RASSF8: variants seen among roughly 807,000 people sequenced by gnomAD.
RASSF8 encodes the protein ras association domain-containing protein 8.
RASSF8 carries 22 observed loss-of-function variants against 48.5 expected under a neutral mutation model. The ratio of observed to expected loss-of-function variants is 0.45; its 90% CI spans 0.32 to 0.65. The LOEUF (loss-of-function observed/expected upper bound fraction) is 0.65, where lower values mean the gene tolerates loss of function less well. Ranked by LOEUF, RASSF8 falls within the 30% of genes least tolerant of loss-of-function variation. The pLI is 0.03. For synonymous variants in RASSF8, 127 were observed against 171.5 expected (o/e 0.74, Z 2.03); for missense variants, 418 against 489.2 (o/e 0.85, Z 1.37).
In RASSF8 at chr12:26,065,137, G is replaced by C. The variant is rs374924049; in HGVS notation, c.743G>C (p.Arg248Thr). The change falls in exon 4 of 6, where the codon AGA (arginine) becomes ACA (threonine). Residue 248 changes from arginine (R) to threonine (T), a missense_variant. Physicochemically the swap from Arg to Thr is moderately conservative, Grantham distance 71 (BLOSUM62 -1). Transcript: ENST00000689635. ...KQLKDQLQEIRQKITECENKL... is the reference protein window; with the variant it reads ...KQLKDQLQEITQKITECENKL... ...CTGAAGGATCAACTTCAAGAAATAAGACAGAAAATAACAGAATGTGAAAAC... is the reference window on the plus strand; with the variant it reads ...CTGAAGGATCAACTTCAAGAAATAACACAGAAAATAACAGAATGTGAAAAC... 2 of 1,613,944 alleles carry C rather than the reference G, an allele frequency of 1.2e-6. No individual in the cohort carries two copies. Among genetic ancestry groups the C allele is most frequent in the South Asian group, 2.2e-5 (2 of 91,016 alleles).
chr12:26,029,195 C>T lies in RASSF8; in HGVS notation c.-108-26041C>T, dbSNP rs114733100. 3.3e-3 allele frequency among the ~76,000 whole-genome samples: 503 copies of T among 152,308 alleles called. 5 individuals carry two copies. The highest frequency in any genetic ancestry group is 0.011 in the African/African-American group (478 of 41,576). ...ATGTCTATCATGTAGATCACTTTAG[C>T]CTCTCAGGCTGTTTGCAGCTCTCCT... is the stretch of plus-strand genomic sequence containing the variant. On this transcript the variant is annotated intron_variant, in intron 2 of 5. Coordinates refer to ENST00000689635, the MANE Select transcript of RASSF8 (RefSeq NM_001394098.1).
chr12:25,988,688 C>T (rs1039002408), intron 1 of RASSF8, among the ~76,000 whole-genome samples: 1 of 152,146 alleles, frequency 6.6e-6, no homozygotes, highest in Non-Finnish European at 1.5e-5. Context: ...ATGTGAAATT[C>T]CTGCTTTATC....
chr12:25,967,977 CCT>C (rs1283482264), intron 1 of RASSF8, among the ~76,000 whole-genome samples: 1 of 152,232 alleles, frequency 6.6e-6, no homozygotes, highest in Non-Finnish European at 1.5e-5. Flanking sequence ...AGTAATCCAT[CCT>C]CTCTCCCGAA....
intron 1 of RASSF8, among the ~76,000 whole-genome samples, chr12:25,990,803 A>G (rs949377834): frequency 6.6e-6 from 1 of 152,238 alleles, no homozygotes; most frequent in African/African-American, 2.4e-5. Flanking sequence ...GTGGATACAC[A>G]GGGATATCAC....
In RASSF8 at chr12:26,068,823, A is replaced by T; in HGVS notation, c.*5A>T. On this transcript the variant is annotated 3_prime_UTR_variant, in exon 6 of 6. Coordinates refer to ENST00000689635, the MANE Select transcript of RASSF8 (RefSeq NM_001394098.1). ...CCTGAAGGCATATATGTATGACATTATCTGTCTTTAGGGAGGAGACCCAAC... is the reference window on the plus strand; with the variant it reads ...CCTGAAGGCATATATGTATGACATTTTCTGTCTTTAGGGAGGAGACCCAAC... The T allele has an allele frequency of 6.5e-7, 1 of 1,536,762 alleles. No homozygotes were observed. The highest frequency in any genetic ancestry group is 1.2e-5 in the South Asian group (1 of 84,014).
chr12:25,969,620 G>T (rs1495649), intron 1 of RASSF8, among the ~76,000 whole-genome samples: 17,228 of 152,048 alleles, frequency 0.11, 1,305 homozygotes, highest in Admixed American at 0.19. Context: ...GAGGAGAAGG[G>T]TCACATCCTG....
At chr12:25,962,746 C>T (rs915940565) in intron 1 of RASSF8, among the ~76,000 whole-genome samples, 1 of 152,066 alleles carries the variant, frequency 6.6e-6, no homozygotes, top group African/African-American at 2.4e-5. Flanking sequence ...TCTTGATTGC[C>T]TTCTTTATCA....
chr12:25,971,341 T>G (rs1288063407), intron 1 of RASSF8, among the ~76,000 whole-genome samples: 2 of 152,168 alleles, frequency 1.3e-5, no homozygotes, highest in African/African-American at 4.8e-5. Context: ...ACTCCTTACC[T>G]CTTGAATTGT....
intron 3 of RASSF8, among the ~76,000 whole-genome samples, chr12:26,058,506 TG>T (rs1192378120): frequency 6.7e-6 from 1 of 149,558 alleles, no homozygotes; most frequent in African/African-American, 2.5e-5. Context: ...CTTTGCCTCA[TG>T]GGGGCACTAC....
At chr12:26,027,050 T>TA (rs550549749) in intron 2 of RASSF8, among the ~76,000 whole-genome samples, 4 of 152,062 alleles carry the variant, frequency 2.6e-5, no homozygotes, top group African/African-American at 9.7e-5. Flanking sequence ...TATTTGGCAA[T>TA]AAAAAAATGA....
chr12:26,015,459 G>A (rs146776415), intron 2 of RASSF8, among the ~76,000 whole-genome samples: 77 of 152,246 alleles, frequency 5.1e-4, no homozygotes, highest in Non-Finnish European at 9.8e-4. Context: ...ACACAGAGCC[G>A]AGAAATAGAA....
chr12:26,057,821 C>T (rs1045822146), intron 3 of RASSF8, among the ~76,000 whole-genome samples: 3 of 152,126 alleles, frequency 2.0e-5, no homozygotes, highest in Non-Finnish European at 2.9e-5. Flanking sequence ...ATCGCCATTC[C>T]AACTGGTGTG....
intron 1 of RASSF8, among the ~76,000 whole-genome samples, chr12:25,980,203 A>G (rs2136903551): frequency 6.6e-6 from 1 of 152,330 alleles, no homozygotes; most frequent in South Asian, 2.1e-4. Context: ...TAACCCACAA[A>G]CGAGAACTTT....
intron 1 of RASSF8, among the ~76,000 whole-genome samples, chr12:25,970,016 A>C (rs1941447960): frequency 6.6e-6 from 1 of 152,006 alleles, no homozygotes; most frequent in Admixed American, 6.5e-5. Context: ...TGTGGGCAGC[A>C]GGGAAGCCCA....
chr12:26,060,044 C>T (rs1943705003), intron 3 of RASSF8, among the ~76,000 whole-genome samples: 1 of 152,096 alleles, frequency 6.6e-6, no homozygotes, highest in Non-Finnish European at 1.5e-5. Flanking sequence ...ACTACAGGCA[C>T]CCACCACCAC....
chr12:26,011,481 T>C (rs534061031), intron 2 of RASSF8, among the ~76,000 whole-genome samples: 3 of 152,126 alleles, frequency 2.0e-5, no homozygotes, highest in African/African-American at 7.2e-5. Context: ...AACACCTGAG[T>C]CAAGTAACTA....
At position 26,069,333 on chromosome 12, in the gene RASSF8, G is replaced by A; in HGVS notation, c.*515G>A. ...TTACACTACACAAGTGTCCTAGGGT[G>A]CTCCACCATCGAAGCTAACTCCACA... On this transcript the variant is annotated 3_prime_UTR_variant, in exon 6 of 6. Coordinates refer to ENST00000689635, the MANE Select transcript of RASSF8 (RefSeq NM_001394098.1). 8 of 984,644 alleles carry A rather than the reference G, an allele frequency of 8.1e-6. No individual in the cohort carries two copies. The highest frequency in any genetic ancestry group is 9.6e-6 in the Non-Finnish European group (8 of 829,234). The allele number at this position is 984,644 out of a possible 1,614,324, so 61.0% of individuals were successfully genotyped here.
intron 2 of RASSF8, among the ~76,000 whole-genome samples, chr12:26,003,762 T>G (rs1301053838): frequency 6.6e-6 from 1 of 152,042 alleles, no homozygotes; most frequent in Non-Finnish European, 1.5e-5. Context: ...AATCAGAAAT[T>G]TTATATATAG....
At chr12:26,036,923 TA>T (rs1045165032) in intron 2 of RASSF8, among the ~76,000 whole-genome samples, 1 of 134,408 alleles carries the variant, frequency 7.4e-6, no homozygotes, top group African/African-American at 2.6e-5. Flanking sequence ...CACAAAAAAA[TA>T]AAAAAAAAAC....
Sources: gnomAD v4.1 joint callset for allele counts (sites outside exome capture counted in the v4.1 genomes callset) on GRCh38, gnomAD v4.1.1 for gene constraint, MANE v1.5 for transcripts, NCBI Gene and HGNC (gene_info 2026-07-23, HGNC 2026-07-21) for gene names.